The following SMPD3 variants were observed in gnomAD, a reference collection of about 807,000 sequenced individuals.
SMPD3 encodes nSMase-2.
In SMPD3, 21 loss-of-function variants were observed where a neutral mutation model predicts 55.7. The ratio of observed to expected loss-of-function variants is 0.38; its 90% confidence interval spans 0.27 to 0.54. SMPD3 has a LOEUF of 0.54. Among genes scored for constraint, SMPD3 ranks in the 20% least tolerant of loss-of-function variants. The pLI is 0.80. For missense variants in SMPD3, 842 were observed against 899.6 expected, an observed-to-expected ratio of 0.94 and a Z score of 0.82; for synonymous variants, 457 against 404.3, an observed-to-expected ratio of 1.13 and a Z score of -1.56.
intron 1 of SMPD3, among the ~76,000 whole-genome samples, chr16:68,392,754 A>AG (rs777521340): frequency 7.0e-6 from 1 of 142,144 alleles, no homozygotes; most frequent in African/African-American, 2.6e-5. Flanking sequence ...CCAGTTACTC[A>AG]GGAGGCTGAG....
chr16:68,405,204 C>T (rs767621515), intron 1 of SMPD3, among the ~76,000 whole-genome samples: 14 of 152,044 alleles, frequency 9.2e-5, no homozygotes, highest in Non-Finnish European at 1.9e-4. Flanking sequence ...ATCCTGCTGG[C>T]CTGGACCACA....
intron 1 of SMPD3, among the ~76,000 whole-genome samples, chr16:68,402,652 C>T (rs2090220512): frequency 6.6e-6 from 1 of 152,168 alleles, no homozygotes; most frequent in Non-Finnish European, 1.5e-5. Context: ...AACAGCGACC[C>T]CAGGCCCACA....
chr16:68,380,574 C>G (rs891556203), intron 2 of SMPD3, among the ~76,000 whole-genome samples: 2 of 152,236 alleles, frequency 1.3e-5, no homozygotes, highest in Admixed American at 6.5e-5. Flanking sequence ...CCAGCGCCAC[C>G]TGCATCCTCA....
intron 1 of SMPD3, among the ~76,000 whole-genome samples, chr16:68,400,009 TCA>T (rs1567800717): frequency 6.6e-6 from 1 of 152,336 alleles, no homozygotes; most frequent in East Asian, 1.9e-4. Context: ...ACTATTGTAG[TCA>T]CCATTTTACA....
intron 1 of SMPD3, among the ~76,000 whole-genome samples, chr16:68,413,266 G>A (rs1255102716): frequency 6.6e-6 from 1 of 152,242 alleles, no homozygotes; most frequent in African/African-American, 2.4e-5. Flanking sequence ...GCCACTCTGA[G>A]AGGCGAAGGC....
intron 1 of SMPD3, among the ~76,000 whole-genome samples, chr16:68,438,092 A>T (rs1467927759): frequency 6.6e-6 from 1 of 152,130 alleles, no homozygotes; most frequent in South Asian, 2.1e-4. Flanking sequence ...TGTCACTGGG[A>T]ATCATGAACC....
At chr16:68,433,269 A>G (rs576729713) in intron 1 of SMPD3, among the ~76,000 whole-genome samples, 9 of 152,324 alleles carry the variant, frequency 5.9e-5, no homozygotes, top group Admixed American at 3.9e-4. Context: ...GGATATTTAA[A>G]TGCTCTCATC....
intron 1 of SMPD3, among the ~76,000 whole-genome samples, chr16:68,418,119 G>T (rs1007159442): frequency 6.6e-6 from 1 of 152,284 alleles, no homozygotes; most frequent in Admixed American, 6.5e-5. Context: ...CCTTCCTGTT[G>T]TGTGCGGGCT....
chr16:68,391,094 C>T (rs1259758196), intron 1 of SMPD3, among the ~76,000 whole-genome samples: 1 of 152,130 alleles, frequency 6.6e-6, no homozygotes, highest in African/African-American at 2.4e-5. Flanking sequence ...AAAATTCTGC[C>T]CTTAAAAGTG....
intron 3 of SMPD3, among the ~76,000 whole-genome samples, chr16:68,366,690 A>G (rs1258088200): frequency 6.6e-6 from 1 of 151,952 alleles, no homozygotes; most frequent in East Asian, 1.9e-4. Flanking sequence ...ACATGATGAA[A>G]CCCCATCTCG....
At chr16:68,364,637 A>T (rs956984714) in intron 5 of SMPD3, 114 bp downstream of exon 5, 1 of 1,216,364 alleles carries the variant, frequency 8.2e-7, no homozygotes, top group Non-Finnish European at 1.2e-6. Flanking sequence ...CCCCGCCCAC[A>T]TGCTCTCGAG....
chr16:68,428,786 G>A (rs1275438127), intron 1 of SMPD3, among the ~76,000 whole-genome samples: 1 of 152,154 alleles, frequency 6.6e-6, no homozygotes, highest in Non-Finnish European at 1.5e-5. Flanking sequence ...GTCACACTTG[G>A]TCCCTGCCTT....
At chr16:68,367,949 A>G (rs1420162923) in intron 3 of SMPD3, 3 of 152,262 alleles carry the variant, frequency 2.0e-5, no homozygotes, top group Non-Finnish European at 4.4e-5. Flanking sequence ...AAGGCTCTGA[A>G]GTCCCATACG....
In SMPD3 at chr16:68,371,005, C is replaced by T. The variant is rs142369909; in HGVS notation, c.1177G>A (p.Gly393Ser). 125 of 1,614,140 alleles carry T rather than the reference C, an allele frequency of 7.7e-5. No homozygotes were observed. In the African/African-American group the frequency reaches 1.2e-3, roughly 15 times the overall value. The change falls in exon 3 of 9, where the codon GGC becomes AGC. Residue 393 changes from glycine to serine, a missense_variant. This residue lies in a region of SMPD3 where 649 missense variants were observed against 643.6 expected (regional missense o/e 1.01). Coordinates refer to ENST00000219334, the MANE Select transcript of SMPD3 (RefSeq NM_018667.4). ...TTGAAGCTGCAGCAGCCCTGGCAGC[C>T]GTAGACCCCGACGTCGTACAGGATG... ...EYILYDVGVY[G>S]CQGCCSFKCL...
chr16:68,386,322 T>C (rs956249495), intron 2 of SMPD3, among the ~76,000 whole-genome samples: 1 of 152,184 alleles, frequency 6.6e-6, no homozygotes, highest in African/African-American at 2.4e-5. Flanking sequence ...TTCAAATCCT[T>C]TTCCCATATA....
At chr16:68,413,903 G>A (rs975726654) in intron 1 of SMPD3, among the ~76,000 whole-genome samples, 1 of 152,118 alleles carries the variant, frequency 6.6e-6, no homozygotes, top group Non-Finnish European at 1.5e-5. Flanking sequence ...AGGGCCTGGG[G>A]CACCTCCTGT....
chr16:68,372,276 C>A lies in SMPD3; in HGVS notation c.-95G>T, dbSNP rs571952293. The A allele has an allele frequency of 4.0e-6, 6 of 1,505,596 alleles. No individual in the cohort carries two copies. The African/African-American group carries it at 8.2e-5, about 21-fold the overall frequency. The allele number at this position is 1,505,596 out of a possible 1,614,324, so 93.3% of individuals were successfully genotyped here. A position where few individuals can be genotyped will look rare whatever the true frequency, so the allele number is the denominator to read the frequency against. ...GCGAGGGTGGGCGAGTTGGGGGCAG[C>A]TGGAGGAGGGGTCACCTCCTGGCGA... is the stretch of plus-strand genomic sequence containing the variant. On this transcript the variant is annotated 5_prime_UTR_variant, in exon 3 of 9. Transcript: ENST00000219334.
chr16:68,395,641 A>C (rs1447503167), intron 1 of SMPD3, among the ~76,000 whole-genome samples: 1 of 152,188 alleles, frequency 6.6e-6, no homozygotes, highest in African/African-American at 2.4e-5. Context: ...GGTGACCCTG[A>C]GTGGCAGCTA....
intron 1 of SMPD3, among the ~76,000 whole-genome samples, chr16:68,434,422 C>T (rs983770261): frequency 6.6e-6 from 1 of 152,222 alleles, no homozygotes; most frequent in African/African-American, 2.4e-5. Context: ...TCCTGCTTGA[C>T]ACTGCTTATT....
Sources: gnomAD v4.1 joint callset for allele counts (sites outside exome capture counted in the v4.1 genomes callset) on GRCh38, gnomAD v4.1.1 for gene constraint, gnomAD v4.1.1 regional missense constraint, MANE v1.5 for transcripts, NCBI Gene and HGNC (gene_info 2026-07-23, HGNC 2026-07-21) for gene names.